Variants in PTPRN2 observed in about 807,000 individuals in gnomAD.
PTPRN2 encodes receptor-type tyrosine-protein phosphatase N2.
In PTPRN2, 74 loss-of-function variants were observed where a neutral mutation model predicts 118.8. The ratio of observed to expected loss-of-function variants is 0.62; its 90% CI spans 0.52 to 0.76. The LOEUF (loss-of-function observed/expected upper bound fraction) is 0.76, where lower values mean the gene tolerates loss of function less well. Ranked by LOEUF, PTPRN2 falls within the 30% of genes least tolerant of loss-of-function variation. The pLI is 0.00. For missense variants in PTPRN2, 1,481 were observed against 1,394.4 expected, an observed-to-expected ratio of 1.06 and a Z score of -0.99; for synonymous variants, 641 against 608.0, an observed-to-expected ratio of 1.05 and a Z score of -0.80.
intron 12 of PTPRN2, among the ~76,000 whole-genome samples, chr7:157,781,105 G>T (rs1041312320): frequency 6.6e-6 from 1 of 152,172 alleles, no homozygotes; most frequent in Non-Finnish European, 1.5e-5. Context: ...GGCTCCCTTC[G>T]CCTGGCTGTG....
rs371307566 is a variant in PTPRN2 at position 158,352,260 on chromosome 7, T to C, written c.164-35328A>G. Among the ~76,000 whole-genome samples the C allele has an allele frequency of 4.7e-4, 14 of 29,878 alleles. 1 individual carries two copies. The highest frequency in any genetic ancestry group is 1.2e-3 in the African/African-American group (8 of 6,402). 19.6% of individuals were successfully genotyped at this position (29,878 alleles called of 152,430 possible). ...CCCTCCTGTCCGCTCCCCTCCTGAC[T>C]GCTCCCCTCCTGTCCACTCCCCTCC... is the stretch of plus-strand genomic sequence containing the variant. On this transcript the variant is annotated intron_variant, in intron 2 of 22. Transcript: ENST00000389418.
intron 6 of PTPRN2, among the ~76,000 whole-genome samples, chr7:158,153,083 G>T (rs962299942): frequency 5.9e-5 from 9 of 152,080 alleles, no homozygotes; most frequent in South Asian, 2.1e-4. Context: ...CGACTGGGGG[G>T]ACAAGAGCAG....
chr7:158,332,805 T>C (rs1294466065), intron 2 of PTPRN2, among the ~76,000 whole-genome samples: 3 of 149,182 alleles, frequency 2.0e-5, no homozygotes, highest in Non-Finnish European at 4.4e-5. Context: ...CCTGCAGACG[T>C]CACTCACGTA....
At chr7:158,341,160 C>T (rs1303919646) in intron 2 of PTPRN2, among the ~76,000 whole-genome samples, 7 of 106,712 alleles carry the variant, frequency 6.6e-5, no homozygotes, top group Admixed American at 9.8e-5. Flanking sequence ...AGCTGACGCC[C>T]GCAGACGTCA....
intron 3 of PTPRN2, among the ~76,000 whole-genome samples, chr7:158,246,391 C>T (rs1234907593): frequency 1.3e-5 from 2 of 151,242 alleles, no homozygotes; most frequent in Non-Finnish European, 2.9e-5. Flanking sequence ...AGTCGAGACG[C>T]GTCTCTCTAC....
At chr7:158,153,028 G>T (rs545421351) in intron 6 of PTPRN2, among the ~76,000 whole-genome samples, 1,103 of 77,806 alleles carry the variant, frequency 0.014, no homozygotes, top group Middle Eastern at 0.057. Flanking sequence ...CACCGACTGG[G>T]GGGACAAGAG....
chr7:157,994,222 G>A (rs1371002903), intron 11 of PTPRN2, among the ~76,000 whole-genome samples: 4 of 152,090 alleles, frequency 2.6e-5, no homozygotes, highest in Non-Finnish European at 4.4e-5. Context: ...CAGGTGACTC[G>A]CTCTGAGCCA....
At chr7:158,068,352 A>C (rs1365887843) in intron 11 of PTPRN2, among the ~76,000 whole-genome samples, 1 of 152,224 alleles carries the variant, frequency 6.6e-6, no homozygotes, top group East Asian at 1.9e-4. Flanking sequence ...CAGGAGGCCC[A>C]GGCCACAGCT....
At chr7:157,875,820 A>C (rs1264385053) in intron 12 of PTPRN2, among the ~76,000 whole-genome samples, 1 of 141,392 alleles carries the variant, frequency 7.1e-6, no homozygotes, top group Non-Finnish European at 1.5e-5. Flanking sequence ...GAGGGTCAGG[A>C]GGGGCCGAGC....
intron 1 of PTPRN2, among the ~76,000 whole-genome samples, chr7:158,572,199 CTCTG>C (rs1322131855): frequency 4.6e-5 from 7 of 152,212 alleles, no homozygotes; most frequent in African/African-American, 1.7e-4. Flanking sequence ...AAAGAGGTTT[CTCTG>C]TCTGGCTGTC....
Position 158,251,773 on chromosome 7 carries a change from T to C in PTPRN2, c.278-46500A>G, listed in dbSNP as rs562042621. Among the ~76,000 whole-genome samples the C allele has an allele frequency of 5.6e-4, 85 of 152,184 alleles. 1 individual carries two copies. Among genetic ancestry groups the C allele is most frequent in the African/African-American group, 1.9e-3 (77 of 41,496 alleles). On this transcript the variant is annotated intron_variant, in intron 3 of 22. Coordinates refer to ENST00000389418, the MANE Select transcript of PTPRN2 (RefSeq NM_002847.5). ...TGGATGTATATGGTGCACGTATGCA[T>C]GTGTGTGTCCCCCTCATTACCTCAC...
intron 11 of PTPRN2, among the ~76,000 whole-genome samples, chr7:157,932,564 TA>T (rs1366510323): frequency 1.4e-5 from 2 of 139,196 alleles, no homozygotes; most frequent in Non-Finnish European, 3.2e-5. Flanking sequence ...AGTTTTAGAG[TA>T]GGGGTGAGTC....
At position 158,320,298 on chromosome 7, in the gene PTPRN2, C is replaced by T. The variant is rs144261265; in HGVS notation, c.164-3366G>A. 5.0e-3 allele frequency among the ~76,000 whole-genome samples: 755 copies of T among 152,300 alleles called. 7 individuals are homozygous for T. The highest frequency in any genetic ancestry group is 0.017 in the African/African-American group (717 of 41,552). ...AGACCAACACGAGTGACTGCTGGCT[C>T]ATATGGTAAGAGTATGCTTAGTTTT... is the stretch of plus-strand genomic sequence containing the variant. On this transcript the variant is annotated intron_variant, in intron 2 of 22. Transcript: ENST00000389418.
chr7:158,414,796 C>T (rs1176187478), intron 2 of PTPRN2, among the ~76,000 whole-genome samples: 1 of 152,348 alleles, frequency 6.6e-6, no homozygotes, highest in Non-Finnish European at 1.5e-5. Context: ...ATGAAGCTTC[C>T]GGAGCATCTC....
At chr7:158,220,039 G>T (rs1465801275) in intron 3 of PTPRN2, among the ~76,000 whole-genome samples, 1 of 151,972 alleles carries the variant, frequency 6.6e-6, no homozygotes, top group African/African-American at 2.4e-5. Context: ...ACACTAAACA[G>T]AATTGAAAAC....
intron 17 of PTPRN2, among the ~76,000 whole-genome samples, chr7:157,582,564 A>G (rs2150536981): frequency 6.6e-6 from 1 of 152,234 alleles, no homozygotes; most frequent in East Asian, 1.9e-4. Flanking sequence ...AATGTGAGTG[A>G]GGGCAGCCTT....
intron 21 of PTPRN2, among the ~76,000 whole-genome samples, chr7:157,549,373 C>G (rs1798481742): frequency 1.3e-5 from 2 of 149,902 alleles, no homozygotes; most frequent in South Asian, 4.2e-4. Flanking sequence ...TCATAGGGAG[C>G]CATATACGAA....
intron 1 of PTPRN2, among the ~76,000 whole-genome samples, chr7:158,556,320 G>A (rs1259243654): frequency 2.6e-5 from 4 of 152,242 alleles, no homozygotes; most frequent in East Asian, 1.9e-4. Flanking sequence ...TTGGGAGGCC[G>A]AGGCGGGCAG....
intron 3 of PTPRN2, among the ~76,000 whole-genome samples, chr7:158,258,433 CTA>C: frequency 7.1e-6 from 1 of 141,418 alleles, no homozygotes; most frequent in Admixed American, 7.5e-5. Flanking sequence ...ATTTAAATTT[CTA>C]TGAATCGCCG....
Sources: allele counts gnomAD v4.1 joint callset (sites outside exome capture counted in the v4.1 genomes callset), GRCh38; gene constraint gnomAD v4.1.1; transcripts MANE v1.5; gene names NCBI Gene and HGNC (gene_info 2026-07-23, HGNC 2026-07-21).